Variants in TLE1 observed in about 807,000 individuals in gnomAD.
TLE1 encodes the protein transducin-like enhancer protein 1.
TLE1 carries 21 observed loss-of-function variants against 89.8 expected under a neutral mutation model. The ratio of observed to expected loss-of-function variants is 0.23; its 90% CI spans 0.17 to 0.34. The LOEUF (loss-of-function observed/expected upper bound fraction) is 0.34, where lower values mean the gene tolerates loss of function less well. Ranked by LOEUF, TLE1 falls within the 10% of genes least tolerant of loss-of-function variation. The probability of loss-of-function intolerance (pLI) is 1.00; values close to 1 mark genes in which losing one functional copy is unlikely to be tolerated. For synonymous variants in TLE1, 447 were observed against 407.6 expected, an observed-to-expected ratio of 1.10 and a Z score of -1.16; for missense variants, 795 against 1,031.2, an observed-to-expected ratio of 0.77 and a Z score of 3.14.
chr9:81,687,445 C>T lies in TLE1; in HGVS notation c.25-11G>A. The T allele has an allele frequency of 4.4e-6, 7 of 1,603,252 alleles. No individual in the cohort carries two copies. The highest frequency in any genetic ancestry group is 6.0e-6 in the Non-Finnish European group (7 of 1,174,500). ...AGCCTGGTGCGGCGTCTGGGGGCGA[C>T]CAGCGAGGGGGACCGAGGGACGGGA... On this transcript the variant is annotated splice_polypyrimidine_tract_variant and intron_variant, in intron 1 of 19. Transcript: ENST00000376499.
At chr9:81,604,814 T>G (rs1435198862) in intron 14 of TLE1, among the ~76,000 whole-genome samples, 1 of 152,166 alleles carries the variant, frequency 6.6e-6, no homozygotes, top group Non-Finnish European at 1.5e-5. Flanking sequence ...CGACACAGAC[T>G]GTGCCTCCCC....
intron 15 of TLE1, 45 bp from the exon 16 acceptor site, chr9:81,591,097 A>C (rs1367181329): frequency 6.3e-7 from 1 of 1,588,340 alleles, no homozygotes; most frequent in South Asian, 1.1e-5. Context: ...TTACCGAGCA[A>C]TCATAGCACC....
intron 6 of TLE1, among the ~76,000 whole-genome samples, chr9:81,641,066 G>A (rs981362056): frequency 2.2e-4 from 34 of 152,148 alleles, no homozygotes; most frequent in African/African-American, 7.2e-4. Flanking sequence ...TATAGCACCC[G>A]GTATTTAAAC....
chr9:81,671,776 T>C (rs1832262297), intron 4 of TLE1, among the ~76,000 whole-genome samples: 1 of 152,196 alleles, frequency 6.6e-6, no homozygotes, highest in Non-Finnish European at 1.5e-5. Flanking sequence ...GATTATAAAA[T>C]ACAGATTTCT....
chr9:81,655,201 T>C (rs1314242491), intron 4 of TLE1, among the ~76,000 whole-genome samples: 1 of 151,838 alleles, frequency 6.6e-6, no homozygotes, highest in Non-Finnish European at 1.5e-5. Flanking sequence ...CCGTCTCTAC[T>C]CAAAATACAA....
intron 8 of TLE1, among the ~76,000 whole-genome samples, chr9:81,631,180 G>A (rs1054952381): frequency 1.3e-5 from 2 of 152,190 alleles, no homozygotes; most frequent in African/African-American, 4.8e-5. Flanking sequence ...ACAGTTGCCT[G>A]TAACTCAAGA....
intron 4 of TLE1, among the ~76,000 whole-genome samples, chr9:81,676,919 G>A (rs867607110): frequency 6.6e-6 from 1 of 152,224 alleles, no homozygotes. Flanking sequence ...ATACAACAGT[G>A]TAATACAACA....
intron 16 of TLE1, among the ~76,000 whole-genome samples, chr9:81,590,331 A>G (rs1243710562): frequency 2.0e-5 from 3 of 152,192 alleles, no homozygotes; most frequent in African/African-American, 7.2e-5. Context: ...CTATTTCATT[A>G]TTGAGATACT....
At chr9:81,603,933 T>C (rs1045590572) in intron 14 of TLE1, among the ~76,000 whole-genome samples, 1 of 151,604 alleles carries the variant, frequency 6.6e-6, no homozygotes, top group Non-Finnish European at 1.5e-5. Context: ...ACCCGGGAGG[T>C]AGAAGTTGCA....
intron 4 of TLE1, among the ~76,000 whole-genome samples, chr9:81,672,990 A>C (rs1832414602): frequency 6.6e-6 from 1 of 152,168 alleles, no homozygotes; most frequent in South Asian, 2.1e-4. Flanking sequence ...ACTGCCAACA[A>C]GGCCGGACGC....
At chr9:81,584,930 A>C (rs947032022) in intron 18 of TLE1, among the ~76,000 whole-genome samples, 1 of 152,000 alleles carries the variant, frequency 6.6e-6, no homozygotes, top group Non-Finnish European at 1.5e-5. Flanking sequence ...TATAGCATGA[A>C]GAAAAATGCT....
chr9:81,653,345 G>GA, intron 5 of TLE1, among the ~76,000 whole-genome samples: 1 of 152,274 alleles, frequency 6.6e-6, no homozygotes, highest in South Asian at 2.1e-4. Context: ...TATCCAGAAG[G>GA]AAGGTAAACT....
At chr9:81,609,656 A>G (rs554423239) in intron 14 of TLE1, among the ~76,000 whole-genome samples, 380 of 152,284 alleles carry the variant, frequency 2.5e-3, no homozygotes, top group Non-Finnish European at 4.3e-3. Context: ...TTTGCTTTTT[A>G]TAATTCTAGA....
rs552990096 is a variant in TLE1, at chr9:81,640,529, G to GCA, written c.373-6230_373-6229dup. On this transcript the variant is annotated intron_variant, in intron 6 of 19. Transcript: ENST00000376499. ...CAGATTTGGGGATAAAGAGATCAGT[G>GCA]CACTTGCTCTAACCAAAATCATTTG... Among the ~76,000 whole-genome samples the GCA allele has an allele frequency of 2.2e-4, 33 of 152,286 alleles. 1 individual carries two copies. The East Asian group carries it at 5.8e-3, about 27-fold the overall frequency.
intron 4 of TLE1, among the ~76,000 whole-genome samples, chr9:81,666,531 T>C (rs901385171): frequency 6.6e-6 from 1 of 151,896 alleles, no homozygotes; most frequent in Admixed American, 6.6e-5. Flanking sequence ...AATCCCAGCA[T>C]TCTGGGAGGC....
In TLE1 at chr9:81,596,967, G is replaced by A. The variant is rs115328711; in HGVS notation, c.1332-3693C>T. Among the ~76,000 whole-genome samples the A allele has an allele frequency of 4.1e-3, 622 of 152,294 alleles. 6 individuals are homozygous for A. The highest frequency in any genetic ancestry group is 0.014 in the African/African-American group (597 of 41,556). On this transcript the variant is annotated intron_variant, in intron 14 of 19. Coordinates refer to ENST00000376499, the MANE Select transcript of TLE1 (RefSeq NM_005077.5). ...TCATTTACTTATTCAAGAGGAAGTC[G>A]AGGGGAAGGCTCGTAACCAGTTAAC...
At chr9:81,595,265 C>T (rs1458228680) in intron 14 of TLE1, among the ~76,000 whole-genome samples, 2 of 152,138 alleles carry the variant, frequency 1.3e-5, no homozygotes, top group African/African-American at 2.4e-5. Context: ...GTTAGTTGAA[C>T]AGGAACCTAT....
intron 4 of TLE1, among the ~76,000 whole-genome samples, chr9:81,676,652 A>G (rs1832940636): frequency 6.6e-6 from 1 of 152,214 alleles, no homozygotes; most frequent in African/African-American, 2.4e-5. Flanking sequence ...AGGGACAAAG[A>G]GGTCATCACA....
At chr9:81,657,440 A>C (rs1455022682) in intron 4 of TLE1, among the ~76,000 whole-genome samples, 1 of 152,146 alleles carries the variant, frequency 6.6e-6, no homozygotes, top group African/African-American at 2.4e-5. Flanking sequence ...ATTTAACTGG[A>C]ATTTATTTTG....
Sources: allele counts gnomAD v4.1 joint callset (sites outside exome capture counted in the v4.1 genomes callset), GRCh38; gene constraint gnomAD v4.1.1; transcripts MANE v1.5; gene names NCBI Gene and HGNC (gene_info 2026-07-23, HGNC 2026-07-21).